JAZF1: variants seen among roughly 807,000 people sequenced by gnomAD.
JAZF1 encodes the protein juxtaposed with another zinc finger protein 1.
Under a neutral mutation model 26.4 loss-of-function variants are expected in JAZF1, and 8 were observed. The ratio of observed to expected loss-of-function variants is 0.30; its 90% CI spans 0.18 to 0.55. The LOEUF (loss-of-function observed/expected upper bound fraction) is 0.55, where lower values mean the gene tolerates loss of function less well. JAZF1 is among the 20% of genes least tolerant of loss of function. The pLI, the probability that JAZF1 is intolerant of heterozygous loss-of-function variation, is 0.94. For missense variants in JAZF1, 199 were observed against 322.0 expected, an observed-to-expected ratio of 0.62 and a Z score of 2.92; for synonymous variants, 126 against 122.3, an observed-to-expected ratio of 1.03 and a Z score of -0.20.
At chr7:27,911,521 A>T (rs945110101) in intron 2 of JAZF1, among the ~76,000 whole-genome samples, 4 of 152,226 alleles carry the variant, frequency 2.6e-5, no homozygotes, top group African/African-American at 9.7e-5. Flanking sequence ...AACACCTGAA[A>T]TGTGGCTAGT....
intron 2 of JAZF1, among the ~76,000 whole-genome samples, chr7:27,913,986 G>A (rs1296700482): frequency 6.6e-6 from 1 of 152,158 alleles, no homozygotes; most frequent in Non-Finnish European, 1.5e-5. Context: ...CTGAAAGCAC[G>A]TAAGGTGGCT....
intron 1 of JAZF1, among the ~76,000 whole-genome samples, chr7:28,130,521 C>G (rs1327050554): frequency 6.6e-6 from 1 of 152,164 alleles, no homozygotes; most frequent in Non-Finnish European, 1.5e-5. Context: ...CCTTGCAAGG[C>G]CTGCCTGGTA....
At chr7:28,179,573 C>G (rs1335616059) in intron 1 of JAZF1, among the ~76,000 whole-genome samples, 1 of 151,470 alleles carries the variant, frequency 6.6e-6, no homozygotes, top group Non-Finnish European at 1.5e-5. Context: ...GGGGGTGTCT[C>G]TCCAGCGGGC....
intron 1 of JAZF1, among the ~76,000 whole-genome samples, chr7:28,116,617 T>C (rs1033515505): frequency 1.1e-4 from 17 of 151,624 alleles, no homozygotes; most frequent in Non-Finnish European, 2.4e-4. Flanking sequence ...TAATTTTTTG[T>C]ATCTTTAGCA....
intron 1 of JAZF1, among the ~76,000 whole-genome samples, chr7:28,005,877 T>C (rs1186886688): frequency 9.2e-6 from 1 of 109,274 alleles, no homozygotes; most frequent in Middle Eastern, 4.0e-3. Flanking sequence ...GGACTTTCTG[T>C]TGCTTAAAAA....
chr7:27,865,565 C>A (rs576243660), intron 3 of JAZF1, among the ~76,000 whole-genome samples: 28 of 152,240 alleles, frequency 1.8e-4, no homozygotes, highest in African/African-American at 6.3e-4. Flanking sequence ...AAACATACTA[C>A]TGAATAATGG....
At chr7:28,117,950 T>C (rs543472325) in intron 1 of JAZF1, among the ~76,000 whole-genome samples, 1 of 152,172 alleles carries the variant, frequency 6.6e-6, no homozygotes, top group African/African-American at 2.4e-5. Context: ...ACTCACAGAA[T>C]TCTGGTTTAC....
At chr7:27,962,410 T>C (rs536936464) in intron 2 of JAZF1, among the ~76,000 whole-genome samples, 1 of 152,202 alleles carries the variant, frequency 6.6e-6, no homozygotes, top group Non-Finnish European at 1.5e-5. Flanking sequence ...ATGAAAAGTT[T>C]ATCCAACTGG....
chr7:27,937,619 C>T (rs568475299), intron 2 of JAZF1, among the ~76,000 whole-genome samples: 20 of 152,058 alleles, frequency 1.3e-4, no homozygotes, highest in Non-Finnish European at 1.9e-4. Flanking sequence ...AGGTTTACTG[C>T]TTATAAACAA....
intron 2 of JAZF1, among the ~76,000 whole-genome samples, chr7:27,971,742 T>C (rs374336629): frequency 6.6e-6 from 1 of 152,292 alleles, no homozygotes; most frequent in East Asian, 1.9e-4. Flanking sequence ...TGTAGCACCT[T>C]GAGTCATTTT....
chr7:28,085,555 A>C (rs1321767112), intron 1 of JAZF1, among the ~76,000 whole-genome samples: 1 of 152,212 alleles, frequency 6.6e-6, no homozygotes, highest in African/African-American at 2.4e-5. Flanking sequence ...CCTCATATTC[A>C]AAGTGTCATC....
intron 3 of JAZF1, among the ~76,000 whole-genome samples, chr7:27,891,165 T>C (rs1487886520): frequency 6.6e-6 from 1 of 152,222 alleles, no homozygotes; most frequent in Non-Finnish European, 1.5e-5. Context: ...ATCACATTTA[T>C]TTTTCAATTC....
chr7:28,091,949 T>C (rs879087057), intron 1 of JAZF1, among the ~76,000 whole-genome samples: 1 of 152,140 alleles, frequency 6.6e-6, no homozygotes, highest in Non-Finnish European at 1.5e-5. Context: ...GCAGTCCAAG[T>C]ATGTTACCGT....
At chr7:27,958,286 T>G (rs935601421) in intron 2 of JAZF1, among the ~76,000 whole-genome samples, 3 of 152,218 alleles carry the variant, frequency 2.0e-5, no homozygotes, top group African/African-American at 7.2e-5. Flanking sequence ...CTCATTAAGA[T>G]GGCTGATGTA....
chr7:27,877,425 C>T (rs1783697273), intron 3 of JAZF1, among the ~76,000 whole-genome samples: 1 of 152,178 alleles, frequency 6.6e-6, no homozygotes, highest in Admixed American at 6.5e-5. Context: ...CCCCAAATGT[C>T]AGCAAGTCAT....
chr7:27,944,573 A>AT (rs1228773792), intron 2 of JAZF1, among the ~76,000 whole-genome samples: 8 of 152,198 alleles, frequency 5.3e-5, no homozygotes, highest in African/African-American at 1.9e-4. Context: ...CTTAAAAAAA[A>AT]TTTTATTTCA....
intron 1 of JAZF1, among the ~76,000 whole-genome samples, chr7:28,015,023 GAA>G (rs1562559474): frequency 1.5e-5 from 2 of 136,794 alleles, no homozygotes; most frequent in Non-Finnish European, 3.2e-5. Context: ...AGCAAAAGCA[GAA>G]AGTGTGTATG....
At chr7:28,148,373 C>T (rs1004006351) in intron 1 of JAZF1, among the ~76,000 whole-genome samples, 4 of 152,226 alleles carry the variant, frequency 2.6e-5, no homozygotes, top group East Asian at 1.9e-4. Flanking sequence ...GCCTGGCCCA[C>T]GTGTTTCTTT....
intron 1 of JAZF1, among the ~76,000 whole-genome samples, chr7:28,109,779 G>C (rs1169025556): frequency 2.0e-5 from 3 of 152,206 alleles, no homozygotes; most frequent in Non-Finnish European, 4.4e-5. Flanking sequence ...TTAGCCATGA[G>C]AGACTGCGGG....
Sources: allele counts gnomAD v4.1 joint callset (sites outside exome capture counted in the v4.1 genomes callset), GRCh38; gene constraint gnomAD v4.1.1; transcripts MANE v1.5; gene names NCBI Gene and HGNC (gene_info 2026-07-23, HGNC 2026-07-21).